RBFOX1: variants seen among roughly 807,000 people sequenced by gnomAD.
The protein encoded by RBFOX1 is RNA binding fox-1 homolog 1.
Under a neutral mutation model 57.7 loss-of-function variants are expected in RBFOX1, and 8 were observed. That is an observed-to-expected ratio of 0.14 (90% CI 0.08 to 0.25). RBFOX1 has a LOEUF of 0.25. RBFOX1 is among the 10% of genes least tolerant of loss of function. RBFOX1 has a pLI of 1.00. For missense variants in RBFOX1, 611 were observed against 548.5 expected, an observed-to-expected ratio of 1.11 and a Z score of -1.14; for synonymous variants, 326 against 222.4, an observed-to-expected ratio of 1.47 and a Z score of -4.15.
At chr16:6,542,246 T>A (rs1215019817) in intron 2 of RBFOX1, among the ~76,000 whole-genome samples, 2 of 151,898 alleles carry the variant, frequency 1.3e-5, no homozygotes, top group African/African-American at 4.8e-5. Flanking sequence ...TTAAAAATAA[T>A]CTTGAGATCT....
At chr16:7,398,185 G>A (rs2098174034) in intron 4 of RBFOX1, among the ~76,000 whole-genome samples, 2 of 152,220 alleles carry the variant, frequency 1.3e-5, no homozygotes, top group African/African-American at 2.4e-5. Context: ...GGTAGGAGAT[G>A]CCTCAGACGC....
intron 1 of RBFOX1, among the ~76,000 whole-genome samples, chr16:5,396,163 TTAA>T (rs1368470213): frequency 6.6e-6 from 1 of 152,196 alleles, no homozygotes; most frequent in Non-Finnish European, 1.5e-5. Context: ...AATGGGCATA[TTAA>T]TACTTATGCT....
chr16:5,619,796 C>G (rs991579729), intron 3 of RBFOX1, among the ~76,000 whole-genome samples: 1 of 152,102 alleles, frequency 6.6e-6, no homozygotes, highest in Non-Finnish European at 1.5e-5. Context: ...TCTTCCATGT[C>G]CTTTCACTGA....
intron 3 of RBFOX1, among the ~76,000 whole-genome samples, chr16:6,802,811 T>A (rs533917643): frequency 1.3e-5 from 2 of 152,354 alleles, no homozygotes; most frequent in African/African-American, 4.8e-5. Flanking sequence ...ACCCAAAATA[T>A]TTTTCGGAGA....
chr16:7,013,694 G>C (rs927222883), intron 3 of RBFOX1, among the ~76,000 whole-genome samples: 1 of 152,142 alleles, frequency 6.6e-6, no homozygotes, highest in Admixed American at 6.5e-5. Context: ...GTTTTTCTCT[G>C]TTGCCCAGGC....
At chr16:6,955,279 C>G (rs73547722) in intron 3 of RBFOX1, among the ~76,000 whole-genome samples, 6,155 of 151,872 alleles carry the variant, frequency 0.041, 414 homozygotes, top group African/African-American at 0.14. Flanking sequence ...ATCTAGAACT[C>G]CCTAGCGTAC....
chr16:5,401,939 C>G lies in RBFOX1; in HGVS notation c.220-65277C>G, dbSNP rs184031062. ...TGCTGTTGGGAATAGAATTCTCCAC[C>G]CAAAATAGGTTGATGTCCTGGTTGG... On this transcript the variant is annotated intron_variant, in intron 1 of 2. Transcript: ENST00000585867. Among the ~76,000 whole-genome samples the G allele has an allele frequency of 4.5e-3, 687 of 152,066 alleles. 6 individuals carry two copies. The highest frequency in any genetic ancestry group is 4.8e-3 in the Non-Finnish European group (324 of 67,996).
chr16:5,821,295 TA>T (rs59172137), intron 3 of RBFOX1, among the ~76,000 whole-genome samples: 4,872 of 136,588 alleles, frequency 0.036, 429 homozygotes, highest in South Asian at 0.077. Flanking sequence ...TCTCTTTTTT[TA>T]TTTTTTTTTT....
chr16:7,333,132 C>T (rs2096722909), intron 4 of RBFOX1: 1 of 1,559,810 alleles, frequency 6.4e-7, no homozygotes, highest in Non-Finnish European at 8.8e-7. Context: ...CTCCAGAGTG[C>T]TCAGAGTAAT....
chr16:6,556,976 C>T (rs2097106256), intron 2 of RBFOX1, among the ~76,000 whole-genome samples: 1 of 145,642 alleles, frequency 6.9e-6, no homozygotes, highest in African/African-American at 2.5e-5. Context: ...TAAATATACA[C>T]ACATACGTAT....
intron 1 of RBFOX1, among the ~76,000 whole-genome samples, chr16:5,368,257 C>CT (rs1361079547): frequency 6.6e-6 from 1 of 152,184 alleles, no homozygotes; most frequent in African/African-American, 2.4e-5. Flanking sequence ...TTCTTAATAA[C>CT]TTTTTTTACG....
intron 2 of RBFOX1, among the ~76,000 whole-genome samples, chr16:6,431,623 A>G (rs967503390): frequency 6.6e-5 from 10 of 152,050 alleles, no homozygotes; most frequent in Admixed American, 5.2e-4. Context: ...TAAGTGTGAG[A>G]TGTGAATGGC....
chr16:7,061,373 G>C (rs2054212504), intron 4 of RBFOX1, among the ~76,000 whole-genome samples: 1 of 152,120 alleles, frequency 6.6e-6, no homozygotes, highest in South Asian at 2.1e-4. Context: ...TCAACTTCTT[G>C]ATTGATTCTG....
chr16:5,276,077 A>C (rs1298585059), intron 1 of RBFOX1, among the ~76,000 whole-genome samples: 1 of 152,260 alleles, frequency 6.6e-6, no homozygotes, highest in African/African-American at 2.4e-5. Flanking sequence ...GAAACCATAA[A>C]AATTCTTGAA....
intron 4 of RBFOX1, among the ~76,000 whole-genome samples, chr16:5,895,430 A>G (rs2058141276): frequency 1.3e-5 from 2 of 152,232 alleles, no homozygotes; most frequent in Admixed American, 6.5e-5. Flanking sequence ...TGGACTCTCT[A>G]GTGAATGCCA....
At chr16:5,345,047 C>T (rs1276208898) in intron 1 of RBFOX1, among the ~76,000 whole-genome samples, 4 of 152,212 alleles carry the variant, frequency 2.6e-5, no homozygotes, top group African/African-American at 7.2e-5. Context: ...CTTCTGTTCC[C>T]GTCCTCCCCC....
chr16:6,957,708 T>C (rs1435561475), intron 3 of RBFOX1, among the ~76,000 whole-genome samples: 1 of 152,104 alleles, frequency 6.6e-6, no homozygotes, highest in Non-Finnish European at 1.5e-5. Flanking sequence ...GCCCAGCAGG[T>C]CTCAGCGTCA....
chr16:7,179,578 C>T (rs9934041), intron 4 of RBFOX1, among the ~76,000 whole-genome samples: 47,084 of 151,772 alleles, frequency 0.31, 7,596 homozygotes, highest in Non-Finnish European at 0.34. Flanking sequence ...TTAAATTTAA[C>T]GTGGACACAT....
intron 4 of RBFOX1, among the ~76,000 whole-genome samples, chr16:7,269,043 CAAAAAAAAAAA>C (rs56297510): frequency 3.5e-3 from 182 of 52,302 alleles, no homozygotes; most frequent in African/African-American, 0.011. Flanking sequence ...TCTTCCATCT[CAAAAAAAAAAA>C]AAAAAAAAAA....
Sources: allele counts gnomAD v4.1 joint callset (sites outside exome capture counted in the v4.1 genomes callset), GRCh38; gene constraint gnomAD v4.1.1; transcripts MANE v1.5; gene names NCBI Gene and HGNC (gene_info 2026-07-23, HGNC 2026-07-21).